Variants in MICAL3 observed in about 807,000 individuals in gnomAD.
MICAL3 encodes the protein microtubule associated monooxygenase, calponin and LIM domain containing 3, also known as [F-actin]-monooxygenase MICAL3.
A neutral mutation model predicts 207.4 loss-of-function variants in MICAL3; 62 were observed. The ratio of observed to expected loss-of-function variants is 0.30; its 90% confidence interval spans 0.24 to 0.37. The LOEUF (loss-of-function observed/expected upper bound fraction) is 0.37, where lower values mean the gene tolerates loss of function less well. Ranked by LOEUF, MICAL3 falls within the 10% of genes least tolerant of loss-of-function variation. The pLI, the probability that MICAL3 is intolerant of heterozygous loss-of-function variation, is 1.00. For synonymous variants in MICAL3, 1,077 were observed against 1,069.3 expected, an observed-to-expected ratio of 1.01 and a Z score of -0.14; for missense variants, 2,368 against 2,635.6, an observed-to-expected ratio of 0.90 and a Z score of 2.22.
chr22:17,940,510 C>T (rs1238447275), intron 1 of MICAL3, among the ~76,000 whole-genome samples: 1 of 152,032 alleles, frequency 6.6e-6, no homozygotes, highest in Non-Finnish European at 1.5e-5. Context: ...CAAACCAAAC[C>T]CAAAGATGAA....
chr22:17,842,006 T>C lies in MICAL3; in HGVS notation c.2617A>G (p.Asn873Asp). The C allele has an allele frequency of 4.4e-6, 7 of 1,602,198 alleles. No homozygotes were observed. The highest frequency in any genetic ancestry group is 5.1e-6 in the Non-Finnish European group (6 of 1,179,290). The change falls in exon 20 of 32, where the codon AAC (asparagine) becomes GAC (aspartate). Residue 873 changes from asparagine (N) to aspartate (D), a missense_variant. Around this residue, in one of 4 missense-constraint regions of MICAL3, gnomAD observed 1,770 missense variants for 1,863.2 expected, o/e 0.95. Coordinates refer to ENST00000441493, the MANE Select transcript of MICAL3 (RefSeq NM_015241.3). ...STERTPGSGVNGLEEPSIAKR... is the reference protein window; with the variant it reads ...STERTPGSGVDGLEEPSIAKR... ...GCGATGCTGGGCTCCTCCAGGCCGTTCACGCCTGAACCTGCGGGACAAGCA... is the reference window on the plus strand; with the variant it reads ...GCGATGCTGGGCTCCTCCAGGCCGTCCACGCCTGAACCTGCGGGACAAGCA...
Position 17,818,765 on chromosome 22 carries a change from T to G in MICAL3, c.3896A>C (p.Gln1299Pro). Residue 1299 changes from glutamine to proline, a missense_variant, in exon 26 of 32, where the codon CAA becomes CCA. By Grantham distance (76) the Gln-to-Pro change is moderately conservative. Transcript: ENST00000441493. The part of the protein sequence containing the change: ...TSTPLAPLPV[Q>P]SQSDTKDRLG... ...TCTGTCCTTGGTGTCACTTTGGCTTTGGACAGGGAGAGGGGCCAGTGGGGT... is the reference window on the plus strand; with the variant it reads ...TCTGTCCTTGGTGTCACTTTGGCTTGGGACAGGGAGAGGGGCCAGTGGGGT... 6.3e-7 allele frequency: 1 copy of G among 1,594,692 alleles called. No individual in the cohort carries two copies. Among genetic ancestry groups the G allele is most frequent in the South Asian group, 1.1e-5 (1 of 89,108 alleles).
intron 1 of MICAL3, among the ~76,000 whole-genome samples, chr22:17,963,191 C>T (rs778908053): frequency 2.6e-5 from 4 of 152,126 alleles, no homozygotes; most frequent in Non-Finnish European, 5.9e-5. Context: ...CAGCTCGCTG[C>T]ACCCGCCGCC....
At chr22:17,866,613 C>CAGAATAGAATAGAATAGAAT (rs60628065) in intron 17 of MICAL3, among the ~76,000 whole-genome samples, 2,440 of 136,196 alleles carry the variant, frequency 0.018, 32 homozygotes, top group African/African-American at 0.025. Flanking sequence ...TAGAACAGAA[C>CAGAATAGAATAGAATAGAAT]AGAATAGAAT....
chr22:17,963,249 A>T (rs902876666), intron 1 of MICAL3, among the ~76,000 whole-genome samples: 1 of 152,000 alleles, frequency 6.6e-6, no homozygotes. Flanking sequence ...AGTAGCTGGG[A>T]CTACAGGCAT....
At chr22:17,937,482 G>A (rs1001337926) in intron 1 of MICAL3, among the ~76,000 whole-genome samples, 5 of 152,060 alleles carry the variant, frequency 3.3e-5, no homozygotes, top group African/African-American at 1.2e-4. Flanking sequence ...TGACCAACAT[G>A]GAGAAACGCC....
chr22:17,818,517 G>A lies in MICAL3; in HGVS notation c.4144C>T (p.Pro1382Ser). 1 of 1,613,338 alleles carries A rather than the reference G, an allele frequency of 6.2e-7. No individual in the cohort carries two copies. The highest frequency in any genetic ancestry group is 1.1e-5 in the South Asian group (1 of 91,088). The part of the protein sequence containing the change: ...PQDEGLHLLK[P>S]LSIPKRLGLP... ...CCCAGCCTTTTGGGGATGGACAGAGGCTTGAGAAGGTGGAGTCCCTCATCC... is the reference window on the plus strand; with the variant it reads ...CCCAGCCTTTTGGGGATGGACAGAGACTTGAGAAGGTGGAGTCCCTCATCC... Residue 1382 changes from proline to serine, a missense_variant, in exon 26 of 32, where the codon CCT becomes TCT. Pro to Ser is a moderately conservative substitution (Grantham distance 74). Coordinates refer to ENST00000441493, the MANE Select transcript of MICAL3 (RefSeq NM_015241.3).
intron 1 of MICAL3, among the ~76,000 whole-genome samples, chr22:17,994,825 A>G (rs891326933): frequency 6.6e-6 from 1 of 152,140 alleles, no homozygotes; most frequent in African/African-American, 2.4e-5. Flanking sequence ...AATAAAAGCC[A>G]CTAGTTAACC....
chr22:17,942,001 G>A (rs1371667831), intron 1 of MICAL3, among the ~76,000 whole-genome samples: 1 of 152,184 alleles, frequency 6.6e-6, no homozygotes, highest in African/African-American at 2.4e-5. Context: ...CACCTGTGTG[G>A]CAAATTCCTC....
At chr22:17,836,436 C>T (rs1352509704) in intron 20 of MICAL3, among the ~76,000 whole-genome samples, 3 of 152,190 alleles carry the variant, frequency 2.0e-5, no homozygotes, top group Admixed American at 6.5e-5. Flanking sequence ...AGGGTCCACA[C>T]GGAGTCATGC....
At chr22:17,856,608 C>CTTTTTTTTT (rs57588188) in intron 19 of MICAL3, among the ~76,000 whole-genome samples, 3 of 94,880 alleles carry the variant, frequency 3.2e-5, no homozygotes, top group African/African-American at 8.5e-5. Context: ...AAAATGTTTA[C>CTTTTTTTTT]TTTTTTTTTT....
At chr22:17,820,184 A>G (rs145694426) in intron 25 of MICAL3, among the ~76,000 whole-genome samples, 269 of 150,684 alleles carry the variant, frequency 1.8e-3, no homozygotes, top group African/African-American at 6.4e-3. Flanking sequence ...CATGCTTCCT[A>G]GAATCCCAAA....
At position 17,831,756 on chromosome 22, in the gene MICAL3, T is replaced by A. The variant is rs1922831078; in HGVS notation, c.3055+98A>T. 2.7e-6 allele frequency: 4 copies of A among 1,488,006 alleles called. No individual in the cohort carries two copies. The East Asian group carries it at 7.4e-5, about 28-fold the overall frequency. The allele number at this position is 1,488,006 out of a possible 1,614,324, so 92.2% of individuals were successfully genotyped here. A position where few individuals can be genotyped will look rare whatever the true frequency, so the allele number is the denominator to read the frequency against. On this transcript the variant is annotated intron_variant, in intron 21 of 31. Coordinates refer to ENST00000441493, the MANE Select transcript of MICAL3 (RefSeq NM_015241.3). ...GTCCCTGGGCTGTGCAGGAGGCACG[T>A]CCGTGTGACGTCAGCCCCAGAAACC...
In MICAL3 at chr22:17,904,615, A is replaced by G. The variant is rs1931585187; in HGVS notation, c.472+17T>C. 1 of 1,598,034 alleles carries G rather than the reference A, an allele frequency of 6.3e-7. No individual in the cohort carries two copies. Among genetic ancestry groups the G allele is most frequent in the African/African-American group, 1.3e-5 (1 of 74,576 alleles). ...AGGGGTAGGGTGGAATCTTACAGGAAAGCTAGTTTTACTTACTGATATGGT... is the reference window on the plus strand; with the variant it reads ...AGGGGTAGGGTGGAATCTTACAGGAGAGCTAGTTTTACTTACTGATATGGT... On this transcript the variant is annotated intron_variant, in intron 3 of 31. Coordinates refer to ENST00000441493, the MANE Select transcript of MICAL3 (RefSeq NM_015241.3).
chr22:17,844,326 C>A (rs1453457970), intron 19 of MICAL3, among the ~76,000 whole-genome samples: 1 of 152,202 alleles, frequency 6.6e-6, no homozygotes, highest in East Asian at 1.9e-4. Flanking sequence ...ACAGGTGGTC[C>A]ATCAGGCAAA....
chr22:17,850,155 GA>G (rs1383139339), intron 19 of MICAL3, among the ~76,000 whole-genome samples: 4 of 152,120 alleles, frequency 2.6e-5, no homozygotes, highest in Non-Finnish European at 4.4e-5. Flanking sequence ...GGGAAATTCT[GA>G]GTTAAATACA....
At chr22:17,884,709 C>A (rs1463081559) in intron 16 of MICAL3, among the ~76,000 whole-genome samples, 1 of 152,230 alleles carries the variant, frequency 6.6e-6, no homozygotes, top group Non-Finnish European at 1.5e-5. Flanking sequence ...TTAGAGGCAA[C>A]CTTCCTCTAA....
At chr22:17,969,845 T>G (rs1208343788) in intron 1 of MICAL3, among the ~76,000 whole-genome samples, 1 of 152,206 alleles carries the variant, frequency 6.6e-6, no homozygotes, top group Non-Finnish European at 1.5e-5. Context: ...GAACTGAGGC[T>G]CTCAGCTCTC....
intron 20 of MICAL3, chr22:17,834,609 G>A: frequency 1.8e-6 from 2 of 1,117,590 alleles, no homozygotes; most frequent in East Asian, 8.6e-5. Flanking sequence ...TTCTCAAGGG[G>A]AGGAAAGGTG....
Sources: gnomAD v4.1 joint callset for allele counts (sites outside exome capture counted in the v4.1 genomes callset) on GRCh38, gnomAD v4.1.1 for gene constraint, gnomAD v4.1.1 regional missense constraint, MANE v1.5 for transcripts, NCBI Gene and HGNC (gene_info 2026-07-23, HGNC 2026-07-21) for gene names.